Variants in OSBP2 observed in about 807,000 individuals in gnomAD.
The protein encoded by OSBP2 is oxysterol-binding protein 2.
Under a neutral mutation model 96.0 loss-of-function variants are expected in OSBP2, and 66 were observed. The ratio of observed to expected loss-of-function variants is 0.69; its 90% CI spans 0.56 to 0.84. OSBP2 has a LOEUF of 0.84. Ranked by LOEUF, OSBP2 falls within the 40% of genes least tolerant of loss-of-function variation. The probability of loss-of-function intolerance (pLI) is 0.00; values close to 1 mark genes in which losing one functional copy is unlikely to be tolerated. For synonymous variants in OSBP2, 525 were observed against 520.9 expected, an observed-to-expected ratio of 1.01 and a Z score of -0.11; for missense variants, 1,038 against 1,222.7, an observed-to-expected ratio of 0.85 and a Z score of 2.25.
chr22:30,895,255 A>AAAGAAG (rs143409901), intron 12 of OSBP2, among the ~76,000 whole-genome samples: 2 of 152,036 alleles, frequency 1.3e-5, no homozygotes, highest in Admixed American at 1.3e-4. Flanking sequence ...TCCCAGAAGG[A>AAAGAAG]AAGAAGAAGA....
chr22:30,704,391 G>A (rs996529579), intron 1 of OSBP2, among the ~76,000 whole-genome samples: 23 of 152,140 alleles, frequency 1.5e-4, no homozygotes, highest in African/African-American at 4.3e-4. Flanking sequence ...GACAACGCAC[G>A]TGAAATGCTG....
At chr22:30,876,142 A>T (rs1602399527) in intron 3 of OSBP2, among the ~76,000 whole-genome samples, 1 of 152,386 alleles carries the variant, frequency 6.6e-6, no homozygotes, top group East Asian at 1.9e-4. Context: ...CAGCAGACAC[A>T]GAATGGGAAG....
At chr22:30,721,864 T>G (rs2089557995) in intron 1 of OSBP2, among the ~76,000 whole-genome samples, 1 of 152,208 alleles carries the variant, frequency 6.6e-6, no homozygotes, top group Non-Finnish European at 1.5e-5. Flanking sequence ...AGTAACTGGT[T>G]TTCGTTTTTA....
chr22:30,830,885 C>CAAA (rs136219), intron 2 of OSBP2, among the ~76,000 whole-genome samples: 7,167 of 149,108 alleles, frequency 0.048, 559 homozygotes, highest in African/African-American at 0.16. Flanking sequence ...CATTGAGATC[C>CAAA]AAAAAAAAAA....
chr22:30,762,432 C>T (rs546202817), intron 2 of OSBP2, among the ~76,000 whole-genome samples: 1 of 151,598 alleles, frequency 6.6e-6, no homozygotes, highest in East Asian at 2.0e-4. Flanking sequence ...CCTGTAGTCC[C>T]AGCTACTCGG....
intron 2 of OSBP2, among the ~76,000 whole-genome samples, chr22:30,867,912 A>G (rs1172996547): frequency 1.3e-5 from 2 of 152,172 alleles, no homozygotes; most frequent in Admixed American, 6.5e-5. Flanking sequence ...GCCGGGGGCC[A>G]TTCTGATGGA....
intron 12 of OSBP2, 67 bp downstream of exon 12, chr22:30,894,068 C>T: frequency 7.0e-7 from 1 of 1,426,008 alleles, no homozygotes; most frequent in Non-Finnish European, 9.5e-7. Flanking sequence ...GGACAGAAAG[C>T]AACTGACAGG....
chr22:30,723,571 G>A (rs189228695), intron 1 of OSBP2, among the ~76,000 whole-genome samples: 285 of 151,536 alleles, frequency 1.9e-3, no homozygotes, highest in African/African-American at 6.5e-3. Context: ...GTGCCACCAC[G>A]CCCAGATAAT....
Position 30,907,465 on chromosome 22 carries a change from T to C in OSBP2, c.*1126T>C, listed in dbSNP as rs1033626422. The C allele has an allele frequency of 2.6e-5, 4 of 152,424 alleles. No individual in the cohort carries two copies. Among genetic ancestry groups the C allele is most frequent in the Admixed American group, 6.5e-5 (1 of 15,292 alleles). 9.4% of individuals were successfully genotyped at this position (152,424 alleles called of 1,614,324 possible). A position where few individuals can be genotyped will look rare whatever the true frequency, so the allele number is the denominator to read the frequency against. On this transcript the variant is annotated 3_prime_UTR_variant, in exon 14 of 14. Coordinates refer to ENST00000332585, the MANE Select transcript of OSBP2 (RefSeq NM_030758.4). ...TGAGCTGTGCCCTTCCCTCTCCTCA[T>C]GCCCCCTTCCAGCGGCTTCTGCCAA...
chr22:30,824,011 A>T (rs1197584346), intron 2 of OSBP2, among the ~76,000 whole-genome samples: 1 of 152,176 alleles, frequency 6.6e-6, no homozygotes, highest in African/African-American at 2.4e-5. Flanking sequence ...GGCTCATCTA[A>T]TGATTTTCTT....
intron 2 of OSBP2, among the ~76,000 whole-genome samples, chr22:30,797,738 C>T (rs918120155): frequency 2.0e-5 from 3 of 151,944 alleles, no homozygotes; most frequent in African/African-American, 7.3e-5. Flanking sequence ...ACTACAGGCG[C>T]CAGCCACCAT....
intron 2 of OSBP2, among the ~76,000 whole-genome samples, chr22:30,763,180 C>G (rs77538638): frequency 0.013 from 1,960 of 152,286 alleles, 26 homozygotes; most frequent in Non-Finnish European, 0.02. Flanking sequence ...GGCAAACACT[C>G]GACTAAAGTA....
intron 2 of OSBP2, among the ~76,000 whole-genome samples, chr22:30,858,363 G>A (rs547009008): frequency 3.9e-3 from 588 of 150,690 alleles, no homozygotes; most frequent in Non-Finnish European, 6.0e-3. Context: ...AGCCAGGATG[G>A]TCTCGATCTC....
intron 2 of OSBP2, chr22:30,822,716 G>A: frequency 2.0e-6 from 3 of 1,521,504 alleles, no homozygotes; most frequent in Non-Finnish European, 2.6e-6. Flanking sequence ...AAGGGTTAGT[G>A]CTTGCCGGGC....
chr22:30,717,086 G>GGTTTT (rs2089469622), intron 1 of OSBP2, among the ~76,000 whole-genome samples: 1 of 96,530 alleles, frequency 1.0e-5, no homozygotes, highest in Non-Finnish European at 2.1e-5. Flanking sequence ...TAATTTTACT[G>GGTTTT]TTTTTGTGTG....
At chr22:30,899,526 A>C in intron 12 of OSBP2, among the ~76,000 whole-genome samples, 1 of 152,172 alleles carries the variant, frequency 6.6e-6, no homozygotes. Flanking sequence ...GGCCCAGATA[A>C]TTTTACAGAT....
At chr22:30,898,377 G>C (rs1170554386) in intron 12 of OSBP2, among the ~76,000 whole-genome samples, 1 of 152,090 alleles carries the variant, frequency 6.6e-6, no homozygotes, top group East Asian at 1.9e-4. Context: ...ATTTTGGCTA[G>C]ACGTGGTGGT....
chr22:30,730,762 CTCTCTCTCTCTCTATATA>C (rs2089749105), intron 1 of OSBP2, among the ~76,000 whole-genome samples: 1 of 39,506 alleles, frequency 2.5e-5, no homozygotes, highest in Admixed American at 3.6e-4. Context: ...CTCTCTCTCT[CTCTCTCTCTCTCTATATA>C]TATATATATA....
chr22:30,889,045 C>T (rs761091996), intron 5 of OSBP2, 132 bp from the exon 6 acceptor site: 2 of 712,396 alleles, frequency 2.8e-6, no homozygotes, highest in Non-Finnish European at 4.7e-6. Context: ...TGCCTGTCTA[C>T]ACACAGAACA....
Sources: allele counts gnomAD v4.1 joint callset (sites outside exome capture counted in the v4.1 genomes callset), GRCh38; gene constraint gnomAD v4.1.1; transcripts MANE v1.5; gene names NCBI Gene and HGNC (gene_info 2026-07-23, HGNC 2026-07-21).